Variants in SGCZ observed in about 807,000 individuals in gnomAD.
SGCZ encodes the protein zeta-sarcoglycan.
SGCZ carries 40 observed loss-of-function variants against 41.3 expected under a neutral mutation model. The observed-to-expected ratio is 0.97, with a 90% confidence interval of 0.75 to 1.26. The LOEUF is 1.26. SGCZ is among the 50% of genes most tolerant of loss of function. The pLI is 0.00. For missense variants in SGCZ, 552 were observed against 369.8 expected (o/e 1.49, Z -4.04); for synonymous variants, 206 against 137.5 (o/e 1.50, Z -3.49).
chr8:14,899,259 T>C (rs1798882418), intron 1 of SGCZ, among the ~76,000 whole-genome samples: 1 of 152,184 alleles, frequency 6.6e-6, no homozygotes, highest in African/African-American at 2.4e-5. Context: ...TAAGATCTCC[T>C]TGCCGGCAAT....
At chr8:14,786,601 C>T (rs1002919462) in intron 1 of SGCZ, among the ~76,000 whole-genome samples, 1 of 152,042 alleles carries the variant, frequency 6.6e-6, no homozygotes, top group African/African-American at 2.4e-5. Context: ...TTAAGCCATT[C>T]ACTGTCTCAG....
rs189935035 is a variant in SGCZ, at chr8:14,339,585, G to C, written c.235-15381C>G. 4.3e-4 allele frequency among the ~76,000 whole-genome samples: 65 copies of C among 152,250 alleles called. 3 individuals carry two copies. The East Asian group carries it at 7.5e-3, about 18-fold the overall frequency. ...TATGAATATGTTTGATAATAGGCTT[G>C]CATGGTTTATTTGTGTGCAGCCATG... On this transcript the variant is annotated intron_variant, in intron 2 of 7. Transcript: ENST00000382080.
At chr8:14,811,027 T>C (rs1801722379) in intron 1 of SGCZ, among the ~76,000 whole-genome samples, 1 of 152,044 alleles carries the variant, frequency 6.6e-6, no homozygotes, top group Non-Finnish European at 1.5e-5. Flanking sequence ...CCCCCAAATT[T>C]CTAGATTAAC....
intron 1 of SGCZ, among the ~76,000 whole-genome samples, chr8:14,773,543 G>C (rs1435053564): frequency 6.6e-6 from 1 of 152,210 alleles, no homozygotes; most frequent in Non-Finnish European, 1.5e-5. Context: ...TCTGGGGACA[G>C]AGTTCACATT....
At chr8:14,753,472 A>C (rs1022738477) in intron 1 of SGCZ, among the ~76,000 whole-genome samples, 4 of 152,070 alleles carry the variant, frequency 2.6e-5, no homozygotes, top group African/African-American at 9.7e-5. Context: ...GAAGAAGAAA[A>C]TTTTTCAAAT....
intron 2 of SGCZ, among the ~76,000 whole-genome samples, chr8:14,336,452 C>T (rs1280674898): frequency 6.6e-6 from 1 of 152,082 alleles, no homozygotes; most frequent in African/African-American, 2.4e-5. Context: ...TGGGTATATA[C>T]CCAGTAATGG....
intron 2 of SGCZ, among the ~76,000 whole-genome samples, chr8:14,463,129 A>C (rs1800949561): frequency 6.6e-6 from 1 of 151,698 alleles, no homozygotes; most frequent in Admixed American, 6.6e-5. Flanking sequence ...TTATCTGCAA[A>C]AAGATAATTT....
chr8:14,530,731 C>T (rs943594011), intron 2 of SGCZ, among the ~76,000 whole-genome samples: 2 of 151,916 alleles, frequency 1.3e-5, no homozygotes, highest in Non-Finnish European at 2.9e-5. Flanking sequence ...GCTTATAGCC[C>T]CATCTATTCT....
chr8:14,632,921 G>T (rs974488122), intron 1 of SGCZ, among the ~76,000 whole-genome samples: 2 of 151,854 alleles, frequency 1.3e-5, no homozygotes, highest in South Asian at 4.1e-4. Flanking sequence ...CACTATGTAA[G>T]CAAACAGTGA....
intron 1 of SGCZ, among the ~76,000 whole-genome samples, chr8:14,558,574 T>TGAGAG (rs1554539153): frequency 1.0e-5 from 1 of 99,748 alleles, no homozygotes; most frequent in Non-Finnish European, 2.0e-5. Flanking sequence ...GAATGACTCT[T>TGAGAG]AGAGAGAGAG....
chr8:14,194,235 A>C (rs1805197660), intron 4 of SGCZ, among the ~76,000 whole-genome samples: 1 of 151,976 alleles, frequency 6.6e-6, no homozygotes, highest in Non-Finnish European at 1.5e-5. Flanking sequence ...GGTAAGCAAG[A>C]AAATGATTAT....
chr8:14,577,780 T>A (rs1301416052), intron 1 of SGCZ, among the ~76,000 whole-genome samples: 1 of 152,232 alleles, frequency 6.6e-6, no homozygotes, highest in Admixed American at 6.5e-5. Flanking sequence ...CTGAATTTCG[T>A]GCATCCATTG....
In SGCZ at chr8:14,862,014, TG is replaced by T. The variant is rs1479544456; in HGVS notation, c.40-307089del. ...AGAGCCAACACCTGAATTCCACCAT[TG>T]GAAAAAAAAAATAGTCTGTAGTAAC... On this transcript the variant is annotated intron_variant, in intron 1 of 7. Coordinates refer to ENST00000382080, the MANE Select transcript of SGCZ (RefSeq NM_139167.4). Among the ~76,000 whole-genome samples, 7 of 151,456 alleles carry T rather than the reference TG, an allele frequency of 4.6e-5. No individual in the cohort carries two copies. In the East Asian group the frequency reaches 1.2e-3, roughly 25 times the overall value.
At chr8:14,424,528 G>A (rs1012202735) in intron 2 of SGCZ, among the ~76,000 whole-genome samples, 2 of 152,076 alleles carry the variant, frequency 1.3e-5, no homozygotes, top group East Asian at 1.9e-4. Flanking sequence ...ATGTGTGTGT[G>A]TATATATCCC....
intron 1 of SGCZ, among the ~76,000 whole-genome samples, chr8:14,724,313 G>GTATA (rs144918084): frequency 2.4e-4 from 37 of 151,110 alleles, no homozygotes; most frequent in African/African-American, 5.8e-4. Flanking sequence ...GTATATATGT[G>GTATA]TATATATATA....
intron 5 of SGCZ, among the ~76,000 whole-genome samples, chr8:14,153,902 GTCTCTCTC>G (rs140286697): frequency 4.1e-5 from 6 of 146,710 alleles, no homozygotes; most frequent in South Asian, 4.4e-4. Context: ...CAGTCTGTCT[GTCTCTCTC>G]TCTCTCTCTC....
At chr8:14,190,321 T>C (rs1312776557) in intron 4 of SGCZ, among the ~76,000 whole-genome samples, 1 of 151,942 alleles carries the variant, frequency 6.6e-6, no homozygotes, top group East Asian at 1.9e-4. Context: ...CAGCGGAATC[T>C]ACTTTTTTAA....
At chr8:14,620,289 C>G (rs1806241014) in intron 1 of SGCZ, among the ~76,000 whole-genome samples, 1 of 152,060 alleles carries the variant, frequency 6.6e-6, no homozygotes, top group South Asian at 2.1e-4. Flanking sequence ...AAAATTAATT[C>G]AAGATGGATT....
At chr8:14,106,003 T>A (rs1171294068) in intron 6 of SGCZ, among the ~76,000 whole-genome samples, 1 of 152,058 alleles carries the variant, frequency 6.6e-6, no homozygotes. Context: ...GTGTCTATAT[T>A]AAAACACAGA....
Sources: gnomAD v4.1 joint callset for allele counts (sites outside exome capture counted in the v4.1 genomes callset) on GRCh38, gnomAD v4.1.1 for gene constraint, MANE v1.5 for transcripts, NCBI Gene and HGNC (gene_info 2026-07-23, HGNC 2026-07-21) for gene names.